GSTA5: variants seen among roughly 807,000 people sequenced by gnomAD.
The protein encoded by GSTA5 is glutathione S-transferase A5.
Under a neutral mutation model 21.8 loss-of-function variants are expected in GSTA5, and 25 were observed. The observed-to-expected ratio is 1.14, with a 90% CI of 0.83 to 1.60. GSTA5 has a LOEUF of 1.60. GSTA5 is among the 40% of genes most tolerant of loss of function. The pLI, the probability that GSTA5 is intolerant of heterozygous loss-of-function variation, is 0.00. For missense variants in GSTA5, 330 were observed against 259.2 expected (o/e 1.27, Z -1.88); for synonymous variants, 102 against 89.5 (o/e 1.14, Z -0.78).
At chr6:52,836,662 C>T (rs761880719) in intron 2 of GSTA5, among the ~76,000 whole-genome samples, 6 of 152,146 alleles carry the variant, frequency 3.9e-5, no homozygotes, top group Non-Finnish European at 8.8e-5. Flanking sequence ...CAGGCATGTG[C>T]CAACATACCC....
chr6:52,843,742 C>A (rs1764415501), upstream of GSTA5, among the ~76,000 whole-genome samples: 1 of 152,182 alleles, frequency 6.6e-6, no homozygotes. Flanking sequence ...GAAGTTCACA[C>A]AAAAGTGTGG....
intron 1 of GSTA5, 67 bp from the exon 2 acceptor site, chr6:52,837,676 G>T: frequency 9.2e-7 from 1 of 1,089,576 alleles, no homozygotes; most frequent in Non-Finnish European, 1.4e-6. Flanking sequence ...ATGTTGAATG[G>T]CCCCTATCTG....
chr6:52,840,888 A>G, upstream of GSTA5: 4 of 1,364,314 alleles, frequency 2.9e-6, no homozygotes, highest in Non-Finnish European at 4.1e-6. Context: ...TCAAAAATGT[A>G]CTTTAGGATG....
chr6:52,832,064 C>A, intron 5 of GSTA5, 94 bp from the exon 6 acceptor site: 6 of 1,510,020 alleles, frequency 4.0e-6, no homozygotes, highest in Non-Finnish European at 5.3e-6. Flanking sequence ...TGCCAAAGAC[C>A]AAGCGAGTCC....
upstream of GSTA5, among the ~76,000 whole-genome samples, chr6:52,843,819 T>G (rs1375496884): frequency 2.0e-5 from 3 of 152,282 alleles, no homozygotes; most frequent in Admixed American, 2.0e-4. Context: ...CACACTAAGC[T>G]CCCTTAGCCA....
upstream of GSTA5, among the ~76,000 whole-genome samples, chr6:52,842,254 A>G (rs1764386904): frequency 6.6e-6 from 1 of 152,172 alleles, no homozygotes. Flanking sequence ...GACTCATTGA[A>G]AGCAGGAGTT....
chr6:52,834,549 A>C (rs566207484), intron 3 of GSTA5, among the ~76,000 whole-genome samples: 1 of 152,224 alleles, frequency 6.6e-6, no homozygotes, highest in Non-Finnish European at 1.5e-5. Flanking sequence ...GACCTAATAC[A>C]GGAAAAAGAG....
upstream of GSTA5, among the ~76,000 whole-genome samples, chr6:52,845,581 C>T (rs1764442874): frequency 1.3e-5 from 2 of 152,206 alleles, no homozygotes; most frequent in Admixed American, 1.3e-4. Context: ...GGCAGAGGCT[C>T]AACTAGAATC....
intron 3 of GSTA5, among the ~76,000 whole-genome samples, chr6:52,835,902 G>A (rs553745929): frequency 5.1e-4 from 77 of 152,196 alleles, no homozygotes; most frequent in African/African-American, 1.2e-3. Flanking sequence ...CTTGCCCTAC[G>A]CTGTTGGCTG....
chr6:52,842,104 C>T (rs546597392), upstream of GSTA5, among the ~76,000 whole-genome samples: 2 of 152,304 alleles, frequency 1.3e-5, no homozygotes, highest in South Asian at 2.1e-4. Context: ...TGACTGGGCT[C>T]ATCAGTGAAG....
chr6:52,841,762 T>A (rs1342769261), upstream of GSTA5, among the ~76,000 whole-genome samples: 1 of 152,202 alleles, frequency 6.6e-6, no homozygotes, highest in African/African-American at 2.4e-5. Flanking sequence ...CTATTCTCAT[T>A]TTACAGTTGA....
At chr6:52,839,126 C>CG (rs1323417823) in intron 1 of GSTA5, among the ~76,000 whole-genome samples, 1 of 152,058 alleles carries the variant, frequency 6.6e-6, no homozygotes, top group Non-Finnish European at 1.5e-5. Context: ...ACCTAAGGAA[C>CG]GGTGGGTGGT....
chr6:52,840,349 A>G (rs79242742), intron 1 of GSTA5, among the ~76,000 whole-genome samples: 7,530 of 152,324 alleles, frequency 0.049, 262 homozygotes, highest in South Asian at 0.13. Flanking sequence ...CCTAAAACAC[A>G]TAAACTGTTC....
chr6:52,835,525 G>T (rs1764279665), intron 3 of GSTA5, among the ~76,000 whole-genome samples: 1 of 152,170 alleles, frequency 6.6e-6, no homozygotes, highest in African/African-American at 2.4e-5. Flanking sequence ...ATTGTTTGGG[G>T]ATATGCCTAC....
exon 3 of GSTA5, chr6:52,836,357 G>A (rs764319574): frequency 1.2e-6 from 2 of 1,613,234 alleles, no homozygotes; most frequent in African/African-American, 1.3e-5. Context: ...TGCTGGAACA[G>A]CAAACTCCCA....
chr6:52,836,422 T>A, intron 2 of GSTA5, 54 bp from the exon 3 acceptor site: 1 of 1,554,370 alleles, frequency 6.4e-7, no homozygotes, highest in East Asian at 2.3e-5. Context: ...CCCACCCTTT[T>A]GGGATGAAAA....
chr6:52,845,605 A>T (rs1764443174), upstream of GSTA5, among the ~76,000 whole-genome samples: 1 of 152,240 alleles, frequency 6.6e-6, no homozygotes, highest in Non-Finnish European at 1.5e-5. Context: ...TCCTCCTGAC[A>T]TTCAAACTAA....
upstream of GSTA5, among the ~76,000 whole-genome samples, chr6:52,845,667 T>A (rs1446341733): frequency 6.6e-6 from 1 of 152,182 alleles, no homozygotes; most frequent in Non-Finnish European, 1.5e-5. Context: ...GCCAATATAG[T>A]ATTACAGGAT....
chr6:52,834,181 T>G, exon 4 of GSTA5: 1 of 1,614,200 alleles, frequency 6.2e-7, no homozygotes, highest in South Asian at 1.1e-5. Flanking sequence ...TATTTTCTCT[T>G]TGACCAAGGC....
Sources: allele counts gnomAD v4.1 joint callset (sites outside exome capture counted in the v4.1 genomes callset), GRCh38; gene constraint gnomAD v4.1.1; transcripts MANE v1.5; gene names NCBI Gene and HGNC (gene_info 2026-07-23, HGNC 2026-07-21).